BRI3: variants seen among roughly 807,000 people sequenced by gnomAD.
BRI3 encodes the protein membrane protein BRI3.
Under a neutral mutation model 12.8 loss-of-function variants are expected in BRI3, and 6 were observed. That is an observed-to-expected ratio of 0.47 (90% CI 0.26 to 0.93). The LOEUF (loss-of-function observed/expected upper bound fraction) is 0.93, where lower values mean the gene tolerates loss of function less well. Among genes scored for constraint, BRI3 ranks in the 40% least tolerant of loss-of-function variants. The pLI, the probability that BRI3 is intolerant of heterozygous loss-of-function variation, is 0.15. For synonymous variants in BRI3, 91 were observed against 76.1 expected (o/e 1.20, Z -1.02); for missense variants, 134 against 171.1 (o/e 0.78, Z 1.21).
downstream of BRI3, among the ~76,000 whole-genome samples, chr7:98,294,934 A>G (rs1800122609): frequency 1.3e-5 from 2 of 151,976 alleles, no homozygotes; most frequent in Non-Finnish European, 2.9e-5. Flanking sequence ...CCCTCACTCC[A>G]AAAAGCCTGG....
upstream of BRI3, among the ~76,000 whole-genome samples, chr7:98,301,662 GGT>G (rs140880740): frequency 3.3e-5 from 5 of 151,490 alleles, no homozygotes; most frequent in East Asian, 1.9e-4. Flanking sequence ...TGAAGATGAT[GGT>G]GTGTGTGTGT....
In BRI3 at chr7:98,291,408, C is replaced by T. The variant is rs1799949142; in HGVS notation, c.*165C>T. ...TTTCCCGGAGCGTGGAGAGGCAGTGCTGCTGCTCCCGCCCGAGGCTCATGA... is the reference window on the plus strand; with the variant it reads ...TTTCCCGGAGCGTGGAGAGGCAGTGTTGCTGCTCCCGCCCGAGGCTCATGA... On this transcript the variant is annotated 3_prime_UTR_variant, in exon 3 of 3. Transcript: ENST00000297290. 6.9e-7 allele frequency: 1 copy of T among 1,448,070 alleles called. No individual in the cohort carries two copies. The allele number at this position is 1,448,070 out of a possible 1,614,324, so 89.7% of individuals were successfully genotyped here.
chr7:98,321,116 C>G, the BRI3 span, among the ~76,000 whole-genome samples: 1 of 152,152 alleles, frequency 6.6e-6, no homozygotes, highest in Non-Finnish European at 1.5e-5. Context: ...ACCTCAGCCT[C>G]CCAAAGTGCT....
downstream of BRI3, chr7:98,294,033 C>T: frequency 6.2e-7 from 1 of 1,606,930 alleles, no homozygotes; most frequent in Non-Finnish European, 8.5e-7. Context: ...CAGGGAAGAG[C>T]AATGTCACAC....
chr7:98,304,174 G>GC (rs1800540088), upstream of BRI3: 1 of 1,549,232 alleles, frequency 6.5e-7, no homozygotes. Flanking sequence ...GACCCAGGAC[G>GC]CCCTGCTGCG....
intron 2 of BRI3, among the ~76,000 whole-genome samples, 153 bp from the exon 3 acceptor site, chr7:98,290,958 T>C (rs7778015): frequency 0.41 from 61,196 of 148,596 alleles, 13,439 homozygotes; most frequent in Middle Eastern, 0.56. Flanking sequence ...TGTAGCTGGG[T>C]GGTGGGGTGG....
At chr7:98,284,359 C>T (rs1439524710) in intron 2 of BRI3, among the ~76,000 whole-genome samples, 2 of 152,220 alleles carry the variant, frequency 1.3e-5, no homozygotes, top group African/African-American at 4.8e-5. Flanking sequence ...GGCTTTGCCT[C>T]TGCAGCTGCA....
intron 2 of BRI3, among the ~76,000 whole-genome samples, chr7:98,283,269 C>T (rs754123485): frequency 1.3e-5 from 2 of 151,948 alleles, no homozygotes; most frequent in Non-Finnish European, 2.9e-5. Context: ...AATTAAGAAA[C>T]CCTGGTTTGG....
chr7:98,287,312 T>TGC (rs1799743460), intron 2 of BRI3, among the ~76,000 whole-genome samples: 1 of 152,042 alleles, frequency 6.6e-6, no homozygotes, highest in African/African-American at 2.4e-5. Flanking sequence ...CCTTAGGAGG[T>TGC]GCCGGAGTGG....
At chr7:98,310,689 T>C (rs1452064750), downstream of BRI3, 19 of 881,718 alleles carry the variant, frequency 2.2e-5, no homozygotes, top group Non-Finnish European at 2.4e-5. Context: ...TAATAGGCTA[T>C]TTATTTATTT....
the BRI3 span, among the ~76,000 whole-genome samples, chr7:98,320,622 G>A: frequency 5.3e-5 from 8 of 151,656 alleles, no homozygotes; most frequent in African/African-American, 1.2e-4. Context: ...GGTGTGAGCC[G>A]CCGCGCCAGG....
intron 2 of BRI3, among the ~76,000 whole-genome samples, chr7:98,287,482 T>TTG (rs1799748711): frequency 6.6e-6 from 1 of 152,146 alleles, no homozygotes; most frequent in Non-Finnish European, 1.5e-5. Flanking sequence ...GTTTGGCCCA[T>TTG]TGTGCTGCTT....
chr7:98,286,036 GC>G (rs1208027336), intron 2 of BRI3, among the ~76,000 whole-genome samples: 5 of 152,164 alleles, frequency 3.3e-5, no homozygotes, highest in Non-Finnish European at 7.4e-5. Flanking sequence ...CCTAGGGCCA[GC>G]CCCCTGTGAC....
chr7:98,297,104 CGA>C (rs1800224162), downstream of BRI3, among the ~76,000 whole-genome samples: 1 of 152,212 alleles, frequency 6.6e-6, no homozygotes, highest in Non-Finnish European at 1.5e-5. Flanking sequence ...GCAGCCACTA[CGA>C]GAGTGGTTGG....
downstream of BRI3, among the ~76,000 whole-genome samples, chr7:98,314,533 AT>A (rs35937832): frequency 0.13 from 19,185 of 152,216 alleles, 1,561 homozygotes; most frequent in South Asian, 0.23. Context: ...AGGAAAGGAA[AT>A]GTGACATGTG....
chr7:98,312,713 G>A (rs1399398707), downstream of BRI3, among the ~76,000 whole-genome samples: 2 of 151,790 alleles, frequency 1.3e-5, no homozygotes, highest in East Asian at 3.9e-4. Context: ...CATTAGAGAA[G>A]TGAATCAGAC....
At chr7:98,304,136 G>A (rs578211697), upstream of BRI3, 20 of 1,474,834 alleles carry the variant, frequency 1.4e-5, no homozygotes, top group East Asian at 7.5e-5. Context: ...CAGGACCTGC[G>A]CCTCCCAGTC....
chr7:98,315,440 C>T, downstream of BRI3: 1 of 1,390,680 alleles, frequency 7.2e-7, no homozygotes, highest in Non-Finnish European at 9.4e-7. Context: ...ACGCTCAAGG[C>T]AATTTGCCAC....
intron 1 of BRI3, among the ~76,000 whole-genome samples, chr7:98,300,826 G>A (rs1584420697): frequency 6.6e-6 from 1 of 152,096 alleles, no homozygotes; most frequent in Non-Finnish European, 1.5e-5. Flanking sequence ...GCTGGTGCCC[G>A]ACCCCAGCTC....
Sources: allele counts gnomAD v4.1 joint callset (sites outside exome capture counted in the v4.1 genomes callset), GRCh38; gene constraint gnomAD v4.1.1; transcripts MANE v1.5; gene names NCBI Gene and HGNC (gene_info 2026-07-23, HGNC 2026-07-21).